The following TRIM51 variants were observed in gnomAD, a reference collection of about 807,000 sequenced individuals.
The protein encoded by TRIM51 is tripartite motif-containing protein 51.
A neutral mutation model predicts 32.7 loss-of-function variants in TRIM51; 23 were observed. The ratio of observed to expected loss-of-function variants is 0.70; its 90% CI spans 0.51 to 1.00. The LOEUF (loss-of-function observed/expected upper bound fraction) is 1.00, where lower values mean the gene tolerates loss of function less well. Ranked by LOEUF, TRIM51 falls within the 50% of genes least tolerant of loss-of-function variation. The pLI, the probability that TRIM51 is intolerant of heterozygous loss-of-function variation, is 0.00. For missense variants in TRIM51, 592 were observed against 539.2 expected (o/e 1.10, Z -0.97); for synonymous variants, 177 against 181.9 (o/e 0.97, Z 0.22).
Position 55,891,545 on chromosome 11 carries a change from T to C in TRIM51, c.1272T>C (p.Asp424=). 1 of 1,613,630 alleles carries C rather than the reference T, an allele frequency of 6.2e-7. No homozygotes were observed. Among genetic ancestry groups the C allele is most frequent in the Non-Finnish European group, 8.5e-7 (1 of 1,179,710 alleles). ...DCEGRTVSFV[D]VDQSSLIYTI... is the part of the protein sequence containing the mutation. ...AAGGTAGAACCGTGAGCTTTGTTGA[T>C]GTTGATCAAAGTTCCCTGATATACA... Residue 424 remains aspartate (D), a synonymous_variant, in exon 7 of 7, where the codon GAT becomes GAC. Transcript: ENST00000449290.
chr11:55,884,745 TATA>T (rs1428878201), intron 1 of TRIM51, among the ~76,000 whole-genome samples: 1 of 152,114 alleles, frequency 6.6e-6, no homozygotes, highest in African/African-American at 2.4e-5. Flanking sequence ...ACCATAGTAA[TATA>T]ATGATATATA....
At chr11:55,885,978 T>G (rs1854572594) in intron 2 of TRIM51, 139 bp downstream of exon 2, 1 of 1,494,396 alleles carries the variant, frequency 6.7e-7, no homozygotes, top group African/African-American at 1.4e-5. Flanking sequence ...TTCACACCTC[T>G]CAGATTTGAC....
Position 55,888,197 on chromosome 11 carries a change from C to T in TRIM51, c.673C>T (p.Leu225Phe), listed in dbSNP as rs905147886. ...AGCCAGAATGGAACATTCCAGGGAGCTTTTAAGAGGAATGTATGAGGATCT... is the reference window on the plus strand; with the variant it reads ...AGCCAGAATGGAACATTCCAGGGAGTTTTTAAGAGGAATGTATGAGGATCT... Reference protein sequence around the residue: ...SKARMEHSRELLRGMYEDLKQ... With the variant: ...SKARMEHSREFLRGMYEDLKQ... Residue 225 changes from leucine to phenylalanine, a missense_variant, in exon 4 of 7, where the codon CTT (leucine) becomes TTT (phenylalanine). By Grantham distance (22) the Leu-to-Phe change is conservative. Coordinates refer to ENST00000449290, the MANE Select transcript of TRIM51 (RefSeq NM_032681.4). 1 of 1,613,412 alleles carries T rather than the reference C, an allele frequency of 6.2e-7. No individual in the cohort carries two copies. Among genetic ancestry groups the T allele is most frequent in the Non-Finnish European group, 8.5e-7 (1 of 1,179,622 alleles).
At chr11:55,888,621 G>A (rs1854608110) in intron 4 of TRIM51, among the ~76,000 whole-genome samples, 1 of 152,190 alleles carries the variant, frequency 6.6e-6, no homozygotes, top group South Asian at 2.1e-4. Context: ...TGATGGAGAA[G>A]TTGGGGAATC....
rs1239602518 is a variant in TRIM51, at chr11:55,886,129, C to A, written c.418C>A (p.Leu140Ile). ...EWAAEERREE[L>I]LKKMQSLWEK... ...ATTCGTGGCTGTTTTGCAGGAGGAG[C>A]TCCTAAAAAAAATGCAGTCTTTATG... is the stretch of plus-strand genomic sequence containing the variant. The change falls in exon 3 of 7, where the codon CTC becomes ATC. Residue 140 changes from leucine to isoleucine, a missense_variant. Physicochemically the swap from Leu to Ile is conservative, Grantham distance 5. Coordinates refer to ENST00000449290, the MANE Select transcript of TRIM51 (RefSeq NM_032681.4). 1 of 1,612,844 alleles carries A rather than the reference C, an allele frequency of 6.2e-7. No homozygotes were observed. The highest frequency in any genetic ancestry group is 2.2e-5 in the East Asian group (1 of 44,832).
In TRIM51 at chr11:55,885,648, G is replaced by C; in HGVS notation, c.220G>C (p.Ala74Pro). 5.6e-6 allele frequency: 9 copies of C among 1,610,662 alleles called. No homozygotes were observed. Among genetic ancestry groups the C allele is most frequent in the Non-Finnish European group, 6.8e-6 (8 of 1,179,176 alleles). The stretch of plus-strand genomic sequence containing the variant: ...CACTGACATTTGTTTGAAGAACATG[G>C]CTTTCATTGCCAGAAAAGCCAGCCT... ...LNTDICLKNM[A>P]FIARKASLRQ... Residue 74 changes from alanine (A) to proline (P), a missense_variant, in exon 2 of 7, where the codon GCT (alanine) becomes CCT (proline). Ala to Pro is a conservative substitution (Grantham distance 27). Transcript: ENST00000449290.
rs776737248 is a variant in TRIM51, at chr11:55,891,414, G to A, written c.1141G>A (p.Gly381Arg). The change falls in exon 7 of 7, where the codon GGA (glycine) becomes AGA (arginine). Residue 381 changes from glycine (G) to arginine (R), a missense_variant. Transcript: ENST00000449290. Reference protein sequence around the residue: ...IDGEEGLFLLGCVKEDTHCSL... With the variant: ...IDGEEGLFLLRCVKEDTHCSL... ...TGGAGAGGAGGGACTCTTTCTTCTT[G>A]GATGTGTTAAGGAGGACACTCACTG... The A allele has an allele frequency of 6.2e-7, 1 of 1,612,504 alleles. No homozygotes were observed. The highest frequency in any genetic ancestry group is 8.5e-7 in the Non-Finnish European group (1 of 1,179,706).
chr11:55,885,262 C>A (rs1278895026), intron 1 of TRIM51, among the ~76,000 whole-genome samples, 163 bp from the exon 2 acceptor site: 1 of 152,146 alleles, frequency 6.6e-6, no homozygotes, highest in African/African-American at 2.4e-5. Flanking sequence ...AGCCTAAAGA[C>A]TCTCTTTGTG....
chr11:55,888,128 C>G lies in TRIM51; in HGVS notation c.604C>G (p.Arg202Gly). 3 of 1,613,560 alleles carry G rather than the reference C, an allele frequency of 1.9e-6. No individual in the cohort carries two copies. Among genetic ancestry groups the G allele is most frequent in the Non-Finnish European group, 2.5e-6 (3 of 1,179,638 alleles). Reference protein sequence around the residue: ...EEEQHHLERLRKEGEDIFQQL... With the variant: ...EEEQHHLERLGKEGEDIFQQL... ...AGAGCAACATCACTTGGAAAGGCTG[C>G]GAAAGGAGGGCGAGGACATTTTTCA... The change falls in exon 4 of 7, where the codon CGA becomes GGA. Residue 202 changes from arginine (R) to glycine (G), a missense_variant. By Grantham distance (125) the Arg-to-Gly change is moderately radical (BLOSUM62 -2). Coordinates refer to ENST00000449290, the MANE Select transcript of TRIM51 (RefSeq NM_032681.4).
At chr11:55,890,944 G>A (rs1854639551) in intron 6 of TRIM51, among the ~76,000 whole-genome samples, 189 bp from the exon 7 acceptor site, 1 of 151,740 alleles carries the variant, frequency 6.6e-6, no homozygotes, top group Non-Finnish European at 1.5e-5. Flanking sequence ...GTGTTTCTAG[G>A]GTTTTGTTCT....
rs1411662569 is a variant in TRIM51, at chr11:55,890,027, A to G, written c.847A>G (p.Ser283Gly). 2 of 1,612,582 alleles carry G rather than the reference A, an allele frequency of 1.2e-6. No individual in the cohort carries two copies. The highest frequency in any genetic ancestry group is 1.7e-5 in the Admixed American group (1 of 59,944). Residue 283 changes from serine (S) to glycine (G), a missense_variant, in exon 6 of 7, where the codon AGT becomes GGT. By Grantham distance (56) the Ser-to-Gly change is moderately conservative (BLOSUM62 0). Coordinates refer to ENST00000449290, the MANE Select transcript of TRIM51 (RefSeq NM_032681.4). ...GPITGLLDSL[S>G]GFRVDFTLQP... ...CATCACTGGACTGCTGGACAGCCTC[A>G]GTGGATTCAGAGGTGAGTGTCAGCC...
intron 1 of TRIM51, 50 bp downstream of exon 1, chr11:55,883,434 G>A (rs1854535974): frequency 6.6e-6 from 1 of 152,146 alleles, no homozygotes; most frequent in South Asian, 2.1e-4. Context: ...CTTTAAAATA[G>A]TAAATTACAG....
chr11:55,884,122 A>G (rs980296950), intron 1 of TRIM51, among the ~76,000 whole-genome samples: 3 of 131,918 alleles, frequency 2.3e-5, no homozygotes, highest in Non-Finnish European at 3.2e-5. Context: ...GGTTCTCCAG[A>G]GACACAGAAC....
chr11:55,883,629 T>C (rs891887476), intron 1 of TRIM51, among the ~76,000 whole-genome samples: 5 of 152,196 alleles, frequency 3.3e-5, no homozygotes, highest in African/African-American at 9.6e-5. Context: ...TAGATTTGTA[T>C]GCATCATGGG....
Position 55,888,079 on chromosome 11 carries a change from G to T in TRIM51, c.555G>T (p.Lys185Asn). 5.0e-6 allele frequency: 8 copies of T among 1,613,542 alleles called. No homozygotes were observed. Among genetic ancestry groups the T allele is most frequent in the Non-Finnish European group, 6.8e-6 (8 of 1,179,572 alleles). The change falls in exon 4 of 7, where the codon AAG becomes AAT. Residue 185 changes from lysine (K) to asparagine (N), a missense_variant. Transcript: ENST00000449290. The part of the protein sequence containing the change: ...RIEAIRAEYQ[K>N]MPAFLHEEEQ... ...AAGCAATCAGAGCTGAATATCAGAA[G>T]ATGCCTGCATTTCTCCATGAAGAAG...
chr11:55,886,638 C>T (rs1157196369), intron 3 of TRIM51, among the ~76,000 whole-genome samples: 1 of 152,112 alleles, frequency 6.6e-6, no homozygotes, highest in Non-Finnish European at 1.5e-5. Context: ...AGCTAAATTT[C>T]AGGCAGAAGG....
chr11:55,884,928 G>A (rs1157096808), intron 1 of TRIM51, among the ~76,000 whole-genome samples: 1 of 151,142 alleles, frequency 6.6e-6, no homozygotes, highest in African/African-American at 2.4e-5. Flanking sequence ...AATCTGGTCG[G>A]TTGGTTTGTT....
At chr11:55,887,755 G>A (rs1315962444) in intron 3 of TRIM51, among the ~76,000 whole-genome samples, 3 of 151,964 alleles carry the variant, frequency 2.0e-5, no homozygotes, top group African/African-American at 2.4e-5. Context: ...CAAGAACTGT[G>A]TTTTCTTTCT....
Position 55,885,835 on chromosome 11 carries a change from G to T in TRIM51, c.407G>T (p.Arg136Leu). Reference protein sequence around the residue: ...HCPIEWAAEERREELLKKMQS... With the variant: ...HCPIEWAAEELREELLKKMQS... ...CCCATTGAGTGGGCTGCTGAGGAAC[G>T]CCGGGTAAGTGATGCCTCTGAAGAT... The change falls in exon 2 of 7, where the codon CGC becomes CTC. Residue 136 changes from arginine to leucine, a missense_variant. By Grantham distance (102) the Arg-to-Leu change is moderately radical (BLOSUM62 -2). Transcript: ENST00000449290. 1 of 1,611,696 alleles carries T rather than the reference G, an allele frequency of 6.2e-7. No homozygotes were observed. Among genetic ancestry groups the T allele is most frequent in the Middle Eastern group, 2.3e-4 (1 of 4,428 alleles).
Sources: allele counts gnomAD v4.1 joint callset (sites outside exome capture counted in the v4.1 genomes callset), GRCh38; gene constraint gnomAD v4.1.1; transcripts MANE v1.5; gene names NCBI Gene and HGNC (gene_info 2026-07-23, HGNC 2026-07-21).